Variants in DLG2 observed in about 807,000 individuals in gnomAD.
DLG2 encodes disks large homolog 2.
In DLG2, 45 loss-of-function variants were observed where a neutral mutation model predicts 132.5. The ratio of observed to expected loss-of-function variants is 0.34; its 90% confidence interval spans 0.27 to 0.44. The LOEUF (loss-of-function observed/expected upper bound fraction) is 0.44. DLG2 is among the 20% of genes least tolerant of loss of function. DLG2 has a pLI of 1.00. For missense variants in DLG2, 1,045 were observed against 1,196.9 expected (o/e 0.87, Z 1.87); for synonymous variants, 424 against 419.6 (o/e 1.01, Z -0.13).
intron 7 of DLG2, among the ~76,000 whole-genome samples, chr11:84,403,702 A>T (rs73523724): frequency 6.6e-6 from 1 of 151,926 alleles, no homozygotes; most frequent in Non-Finnish European, 1.5e-5. Flanking sequence ...TCTAACTTCT[A>T]CTCTTCAATC....
chr11:85,192,929 T>C (rs2080715560), intron 4 of DLG2, among the ~76,000 whole-genome samples: 1 of 152,224 alleles, frequency 6.6e-6, no homozygotes, highest in Non-Finnish European at 1.5e-5. Flanking sequence ...GGCTTTGAAC[T>C]GAAATATAAC....
intron 2 of DLG2, among the ~76,000 whole-genome samples, chr11:85,602,706 A>T (rs960800583): frequency 1.3e-5 from 2 of 152,174 alleles, no homozygotes; most frequent in African/African-American, 4.8e-5. Context: ...CATCCCACTC[A>T]GAGCAAAGGC....
chr11:83,700,516 A>T (rs1210384502), intron 18 of DLG2, among the ~76,000 whole-genome samples: 1 of 152,194 alleles, frequency 6.6e-6, no homozygotes, highest in East Asian at 1.9e-4. Context: ...AAGACTACAA[A>T]ATGTAGAGAA....
At chr11:84,101,995 T>A (rs1180506082) in intron 9 of DLG2, among the ~76,000 whole-genome samples, 4 of 152,154 alleles carry the variant, frequency 2.6e-5, no homozygotes, top group Non-Finnish European at 5.9e-5. Flanking sequence ...GGCTCTTTAC[T>A]GCACAGACCT....
At chr11:85,102,761 A>C (rs2071082730) in intron 6 of DLG2, among the ~76,000 whole-genome samples, 1 of 151,994 alleles carries the variant, frequency 6.6e-6, no homozygotes, top group South Asian at 2.1e-4. Flanking sequence ...ATTGTACTGA[A>C]GATTCTAGCC....
intron 19 of DLG2, among the ~76,000 whole-genome samples, chr11:83,579,281 T>C (rs2096930562): frequency 6.6e-6 from 1 of 152,222 alleles, no homozygotes; most frequent in Non-Finnish European, 1.5e-5. Flanking sequence ...ATAACTCCAC[T>C]CCAGAAGCTG....
At chr11:84,688,578 C>G (rs1469197234) in intron 6 of DLG2, among the ~76,000 whole-genome samples, 1 of 152,130 alleles carries the variant, frequency 6.6e-6, no homozygotes, top group Non-Finnish European at 1.5e-5. Flanking sequence ...AGTTCTTGCC[C>G]TTAAGAAGAG....
intron 4 of DLG2, among the ~76,000 whole-genome samples, chr11:85,164,236 T>C (rs1193903103): frequency 6.6e-6 from 1 of 152,146 alleles, no homozygotes; most frequent in Non-Finnish European, 1.5e-5. Flanking sequence ...GGGGAGTTTT[T>C]CAATGCTACT....
At chr11:85,062,997 T>C (rs1473989027) in intron 6 of DLG2, among the ~76,000 whole-genome samples, 1 of 151,762 alleles carries the variant, frequency 6.6e-6, no homozygotes, top group South Asian at 2.1e-4. Flanking sequence ...GTGCATATTG[T>C]CAAAATTCTA....
chr11:83,774,624 T>C (rs1170465370), intron 18 of DLG2, among the ~76,000 whole-genome samples: 1 of 152,148 alleles, frequency 6.6e-6, no homozygotes, highest in East Asian at 1.9e-4. Flanking sequence ...TCTTAACTAC[T>C]GCTGCTTCCC....
At chr11:84,273,248 C>T (rs1479802526) in intron 7 of DLG2, 29 of 1,498,522 alleles carry the variant, frequency 1.9e-5, no homozygotes, top group Non-Finnish European at 2.4e-5. Context: ...AACACTTGGC[C>T]GTTGCATAGC....
intron 5 of DLG2, among the ~76,000 whole-genome samples, chr11:85,150,808 G>A (rs2077201724): frequency 6.6e-6 from 1 of 151,240 alleles, no homozygotes; most frequent in Admixed American, 6.6e-5. Context: ...TCCACCACTT[G>A]AGTATTGCAA....
chr11:84,170,771 C>T (rs1340563766), intron 8 of DLG2, among the ~76,000 whole-genome samples: 1 of 152,142 alleles, frequency 6.6e-6, no homozygotes, highest in African/African-American at 2.4e-5. Context: ...TTGGGCTTGT[C>T]ATGATGCTTT....
intron 4 of DLG2, among the ~76,000 whole-genome samples, chr11:85,191,042 C>G (rs530257899): frequency 6.6e-6 from 1 of 152,254 alleles, no homozygotes; most frequent in East Asian, 1.9e-4. Context: ...ATAAATCATT[C>G]TACCAAAAAG....
At chr11:84,163,132 T>G (rs948981487) in intron 9 of DLG2, among the ~76,000 whole-genome samples, 3 of 152,142 alleles carry the variant, frequency 2.0e-5, no homozygotes, top group Non-Finnish European at 2.9e-5. Flanking sequence ...GAAAACATCT[T>G]GTAACATATC....
At chr11:84,058,755 A>T (rs7115622) in intron 11 of DLG2, among the ~76,000 whole-genome samples, 3 of 151,214 alleles carry the variant, frequency 2.0e-5, no homozygotes, top group African/African-American at 7.3e-5. Flanking sequence ...TGTTTCTGCA[A>T]CTCCTCAGAG....
chr11:84,427,120 G>A (rs1360643725), intron 7 of DLG2, among the ~76,000 whole-genome samples: 2 of 152,006 alleles, frequency 1.3e-5, no homozygotes, highest in Non-Finnish European at 2.9e-5. Flanking sequence ...AAGCCCAGGG[G>A]GATAGTAGAG....
chr11:83,962,261 A>G (rs2089035195), intron 14 of DLG2, among the ~76,000 whole-genome samples: 1 of 152,116 alleles, frequency 6.6e-6, no homozygotes, highest in African/African-American at 2.4e-5. Context: ...TCATTTTGTA[A>G]AAATAATGTC....
chr11:84,749,052 A>C (rs569743332), intron 6 of DLG2, among the ~76,000 whole-genome samples: 1 of 152,292 alleles, frequency 6.6e-6, no homozygotes, highest in African/African-American at 2.4e-5. Flanking sequence ...TAAATGGAAG[A>C]GAGATGGTAG....
Sources: gnomAD v4.1 joint callset for allele counts (sites outside exome capture counted in the v4.1 genomes callset) on GRCh38, gnomAD v4.1.1 for gene constraint, MANE v1.5 for transcripts, NCBI Gene and HGNC (gene_info 2026-07-23, HGNC 2026-07-21) for gene names.